The following ZNF385B variants were observed in gnomAD, a reference collection of about 807,000 sequenced individuals.
ZNF385B encodes the protein zinc finger protein 533.
In ZNF385B, 23 loss-of-function variants were observed where a neutral mutation model predicts 39.2. That is an observed-to-expected ratio of 0.59 (90% CI 0.42 to 0.83). The LOEUF is 0.83. ZNF385B is among the 40% of genes least tolerant of loss of function. The pLI is 0.00. For missense variants in ZNF385B, 552 were observed against 598.9 expected (o/e 0.92, Z 0.82); for synonymous variants, 205 against 222.6 (o/e 0.92, Z 0.70).
chr2:179,656,748 A>T (rs1225202877), intron 3 of ZNF385B, among the ~76,000 whole-genome samples: 1 of 152,112 alleles, frequency 6.6e-6, no homozygotes, highest in African/African-American at 2.4e-5. Context: ...AATACTATAG[A>T]TATACCATAT....
intron 3 of ZNF385B, among the ~76,000 whole-genome samples, chr2:179,700,957 G>A (rs1312603514): frequency 1.3e-5 from 2 of 152,148 alleles, no homozygotes; most frequent in Non-Finnish European, 2.9e-5. Context: ...AGCTTGCAGT[G>A]AGCCGAGATC....
At chr2:179,509,231 T>C (rs1207749872) in intron 5 of ZNF385B, among the ~76,000 whole-genome samples, 1 of 152,204 alleles carries the variant, frequency 6.6e-6, no homozygotes, top group Non-Finnish European at 1.5e-5. Context: ...CCTAGTCTTT[T>C]CTTTTTTTTC....
intron 3 of ZNF385B, among the ~76,000 whole-genome samples, chr2:179,747,117 T>C (rs912617561): frequency 2.0e-5 from 3 of 152,132 alleles, no homozygotes; most frequent in Admixed American, 6.6e-5. Context: ...TCAGTTCTAG[T>C]AATCCTACCA....
At chr2:179,817,665 CTGTGTGTGTG>C (rs3085981) in intron 1 of ZNF385B, among the ~76,000 whole-genome samples, 3 of 149,540 alleles carry the variant, frequency 2.0e-5, no homozygotes, top group Non-Finnish European at 4.5e-5. Context: ...GTGTAACCCT[CTGTGTGTGTG>C]TGTGTGTGTG....
At chr2:179,511,813 C>A (rs1473038321) in intron 5 of ZNF385B, among the ~76,000 whole-genome samples, 4 of 152,036 alleles carry the variant, frequency 2.6e-5, no homozygotes, top group African/African-American at 9.6e-5. Flanking sequence ...GAAAATAGAG[C>A]ACAGCAAAAA....
intron 3 of ZNF385B, among the ~76,000 whole-genome samples, chr2:179,570,183 C>T (rs963871357): frequency 6.6e-6 from 1 of 152,134 alleles, no homozygotes; most frequent in African/African-American, 2.4e-5. Context: ...CAGCTCTCTG[C>T]TGCCCTGACC....
At chr2:179,762,243 G>A (rs887488190) in intron 3 of ZNF385B, among the ~76,000 whole-genome samples, 1 of 152,070 alleles carries the variant, frequency 6.6e-6, no homozygotes, top group Non-Finnish European at 1.5e-5. Context: ...AGGCTGGAGT[G>A]CAGTGGCGTG....
Position 179,442,322 on chromosome 2 carries a change from A to G in ZNF385B, c.*928T>C, listed in dbSNP as rs966270987. ...TTAAAAATGAAGAAGATACTTATAT[A>G]GAAATACATGGATTCATTGTCTTCT... On this transcript the variant is annotated 3_prime_UTR_variant, in exon 10 of 10. Coordinates refer to ENST00000410066, the MANE Select transcript of ZNF385B (RefSeq NM_152520.6). The G allele has an allele frequency of 6.5e-6, 1 of 152,708 alleles. No individual in the cohort carries two copies. The highest frequency in any genetic ancestry group is 2.4e-5 in the African/African-American group (1 of 41,472). 9.5% of individuals were successfully genotyped at this position (152,708 alleles called of 1,614,324 possible).
intron 6 of ZNF385B, among the ~76,000 whole-genome samples, chr2:179,476,655 T>C (rs563784066): frequency 1.3e-5 from 2 of 152,342 alleles, no homozygotes; most frequent in East Asian, 1.9e-4. Flanking sequence ...AACATTTAAC[T>C]ACTAAGAATC....
intron 1 of ZNF385B, among the ~76,000 whole-genome samples, chr2:179,817,192 T>C (rs1707121175): frequency 6.6e-6 from 1 of 152,192 alleles, no homozygotes; most frequent in Admixed American, 6.5e-5. Context: ...TTATTGTGCA[T>C]AGTGTTTATT....
chr2:179,615,997 C>G (rs568305290), intron 3 of ZNF385B, among the ~76,000 whole-genome samples: 1 of 151,984 alleles, frequency 6.6e-6, no homozygotes, highest in Non-Finnish European at 1.5e-5. Context: ...TTTAAAAGGA[C>G]GATAGCATAT....
intron 1 of ZNF385B, among the ~76,000 whole-genome samples, chr2:179,818,764 G>A (rs1479765729): frequency 6.6e-6 from 1 of 152,074 alleles, no homozygotes; most frequent in Non-Finnish European, 1.5e-5. Flanking sequence ...CTCACCGTCT[G>A]TCTACTCAAT....
chr2:179,673,792 T>C (rs997165336), intron 3 of ZNF385B, among the ~76,000 whole-genome samples: 1 of 150,858 alleles, frequency 6.6e-6, no homozygotes, highest in African/African-American at 2.4e-5. Context: ...TATTCTAGTT[T>C]TATTTGAAGA....
intron 3 of ZNF385B, among the ~76,000 whole-genome samples, chr2:179,608,829 T>G (rs1397608950): frequency 6.7e-6 from 1 of 149,146 alleles, no homozygotes; most frequent in African/African-American, 2.5e-5. Flanking sequence ...TGTAAGTTCC[T>G]GAAGGGCCAA....
At chr2:179,786,341 G>T (rs1011067082) in intron 1 of ZNF385B, among the ~76,000 whole-genome samples, 2 of 152,026 alleles carry the variant, frequency 1.3e-5, no homozygotes, top group Admixed American at 6.6e-5. Flanking sequence ...TATTTGTCTA[G>T]TTTTATAAAT....
At chr2:179,567,145 C>T (rs1203221805) in intron 3 of ZNF385B, among the ~76,000 whole-genome samples, 2 of 152,094 alleles carry the variant, frequency 1.3e-5, no homozygotes, top group Non-Finnish European at 2.9e-5. Context: ...GAACTCCTGA[C>T]CTCAAGTGAT....
chr2:179,591,980 A>AAATGAGG (rs1415583228), intron 3 of ZNF385B, among the ~76,000 whole-genome samples: 1 of 151,862 alleles, frequency 6.6e-6, no homozygotes, highest in African/African-American at 2.4e-5. Context: ...CATAGTGTGA[A>AAATGAGG]AATGAGGTGT....
At chr2:179,740,006 A>C (rs1701995515) in intron 3 of ZNF385B, among the ~76,000 whole-genome samples, 2 of 152,220 alleles carry the variant, frequency 1.3e-5, no homozygotes, top group Non-Finnish European at 2.9e-5. Flanking sequence ...ATAATAAAAA[A>C]TACAGAAAGT....
intron 3 of ZNF385B, among the ~76,000 whole-genome samples, chr2:179,655,956 C>T (rs1693713685): frequency 6.6e-6 from 1 of 152,136 alleles, no homozygotes. Flanking sequence ...AATTATTCAA[C>T]ATTTAACAGA....
Sources: gnomAD v4.1 joint callset for allele counts (sites outside exome capture counted in the v4.1 genomes callset) on GRCh38, gnomAD v4.1.1 for gene constraint, MANE v1.5 for transcripts, NCBI Gene and HGNC (gene_info 2026-07-23, HGNC 2026-07-21) for gene names.